Variants in ODAD2 observed in about 807,000 individuals in gnomAD.
ODAD2 encodes outer dynein arm-docking complex subunit 2.
In ODAD2, 89 loss-of-function variants were observed where a neutral mutation model predicts 106.8. The observed-to-expected ratio is 0.83, with a 90% CI of 0.70 to 0.99. The LOEUF (loss-of-function observed/expected upper bound fraction) is 0.99, where lower values mean the gene tolerates loss of function less well. Ranked by LOEUF, ODAD2 falls within the 50% of genes least tolerant of loss-of-function variation. ODAD2 has a pLI of 0.00. For synonymous variants in ODAD2, 404 were observed against 436.2 expected, an observed-to-expected ratio of 0.93 and a Z score of 0.92; for missense variants, 1,168 against 1,238.5, an observed-to-expected ratio of 0.94 and a Z score of 0.85.
chr10:27,936,800 AGT>A lies in ODAD2; in HGVS notation c.2176_2177del (p.Thr726Ter). On this transcript the variant is annotated frameshift_variant, in exon 15 of 20. Coordinates refer to ENST00000305242, the MANE Select transcript of ODAD2 (RefSeq NM_018076.5). LOFTEE classifies it high-confidence loss of function. ...CAGCAGCTAACCGCTCTTTATTGTC[AGT>A]GTTATTGAGTAGACTGGCCAAGGGC... is the stretch of plus-strand genomic sequence containing the variant. ...LKPLASLLNN[T>X]DNKERLAAVT... 1.9e-6 allele frequency: 3 copies of A among 1,613,974 alleles called. No homozygotes were observed. Among genetic ancestry groups the A allele is most frequent in the Non-Finnish European group, 2.5e-6 (3 of 1,179,918 alleles).
chr10:27,954,151 C>G (rs1320494002), intron 10 of ODAD2, among the ~76,000 whole-genome samples: 1 of 152,166 alleles, frequency 6.6e-6, no homozygotes, highest in Non-Finnish European at 1.5e-5. Flanking sequence ...AATTCTTCAG[C>G]ATGCAGCCTC....
chr10:27,918,571 CA>C (rs928115743), intron 16 of ODAD2, among the ~76,000 whole-genome samples: 17 of 151,840 alleles, frequency 1.1e-4, no homozygotes, highest in South Asian at 4.2e-4. Context: ...AAAACATCTA[CA>C]AAAACCTACC....
intron 19 of ODAD2, among the ~76,000 whole-genome samples, chr10:27,830,336 T>C (rs924774026): frequency 6.6e-6 from 1 of 152,182 alleles, no homozygotes; most frequent in Non-Finnish European, 1.5e-5. Flanking sequence ...TTCTAACAAT[T>C]GCCCCAAACC....
chr10:27,944,220 A>C lies in ODAD2; in HGVS notation c.1743+2T>G, dbSNP rs1590095285. The stretch of plus-strand genomic sequence containing the variant: ...GACGATGACAACATCACGGCTACTC[A>C]CCAGTTTGGTGATACCCCCGTGCTG... On this transcript the variant is annotated splice_donor_variant, in intron 12 of 19. Coordinates refer to ENST00000305242, the MANE Select transcript of ODAD2 (RefSeq NM_018076.5). LOFTEE classifies it high-confidence loss of function. 2 of 1,610,298 alleles carry C rather than the reference A, an allele frequency of 1.2e-6. No individual in the cohort carries two copies. The highest frequency in any genetic ancestry group is 4.5e-5 in the East Asian group (2 of 44,688).
At chr10:27,996,931 T>A (rs1241927024) in intron 1 of ODAD2, among the ~76,000 whole-genome samples, 1 of 152,214 alleles carries the variant, frequency 6.6e-6, no homozygotes, top group Non-Finnish European at 1.5e-5. Context: ...TTTCTTACAA[T>A]TATTTTCTTT....
chr10:27,882,003 T>C (rs1380201204), intron 17 of ODAD2, among the ~76,000 whole-genome samples: 2 of 151,420 alleles, frequency 1.3e-5, no homozygotes, highest in African/African-American at 2.4e-5. Context: ...CTTTCTCTCC[T>C]GAAAGTACAA....
chr10:27,991,523 T>G (rs1850238168), intron 2 of ODAD2, among the ~76,000 whole-genome samples: 1 of 152,216 alleles, frequency 6.6e-6, no homozygotes, highest in Admixed American at 6.5e-5. Flanking sequence ...TATTGACTGT[T>G]GCCCACAGTG....
At chr10:27,879,915 G>A (rs1257271098) in intron 17 of ODAD2, among the ~76,000 whole-genome samples, 1 of 152,108 alleles carries the variant, frequency 6.6e-6, no homozygotes, top group African/African-American at 2.4e-5. Flanking sequence ...TAAATAGTTT[G>A]CAGAGGCCTA....
intron 19 of ODAD2, among the ~76,000 whole-genome samples, chr10:27,859,116 T>C (rs1237189567): frequency 6.6e-6 from 1 of 152,066 alleles, no homozygotes; most frequent in Non-Finnish European, 1.5e-5. Flanking sequence ...AAAGTATGCA[T>C]AATTTTAAAT....
chr10:27,911,860 C>T (rs1327572934), intron 16 of ODAD2, among the ~76,000 whole-genome samples: 1 of 152,148 alleles, frequency 6.6e-6, no homozygotes. Context: ...TATTTCCCAC[C>T]ACACTCCCAG....
chr10:27,882,186 AAAGAAAGAAAG>A (rs1310142276), intron 17 of ODAD2, among the ~76,000 whole-genome samples: 1 of 147,492 alleles, frequency 6.8e-6, no homozygotes, highest in African/African-American at 2.5e-5. Flanking sequence ...AGAAAGAAAG[AAAGAAAGAAAG>A]AAAGAAAGAA....
At chr10:27,962,500 T>A (rs953223067) in intron 9 of ODAD2, among the ~76,000 whole-genome samples, 1 of 152,144 alleles carries the variant, frequency 6.6e-6, no homozygotes, top group Non-Finnish European at 1.5e-5. Context: ...CATCCCTCCA[T>A]AATGCCTACA....
chr10:27,960,550 A>G lies in ODAD2; in HGVS notation c.1386+1018T>C, dbSNP rs1291504950. On this transcript the variant is annotated intron_variant, in intron 10 of 19. Transcript: ENST00000305242. ...TTTTTAGTAGAGACAGGGTTTCACC[A>G]TGTTGGCCAGGCTGGTCTTGAACTC... Among the ~76,000 whole-genome samples, 3 of 151,924 alleles carry G rather than the reference A, an allele frequency of 2.0e-5. No individual in the cohort carries two copies. The East Asian group carries it at 5.8e-4, about 29-fold the overall frequency.
chr10:27,990,054 C>A (rs1267663942), intron 2 of ODAD2, among the ~76,000 whole-genome samples: 1 of 152,102 alleles, frequency 6.6e-6, no homozygotes, highest in Non-Finnish European at 1.5e-5. Flanking sequence ...ACTTTTAAAC[C>A]AGAATCGTGG....
At chr10:27,843,245 C>T (rs1265051470) in intron 19 of ODAD2, among the ~76,000 whole-genome samples, 2 of 152,090 alleles carry the variant, frequency 1.3e-5, no homozygotes, top group Non-Finnish European at 2.9e-5. Flanking sequence ...ATAAAAACAG[C>T]CTATCTGCAA....
Position 27,885,563 on chromosome 10 carries a change from AATAT to A in ODAD2, c.2610+22096_2610+22099del, listed in dbSNP as rs1278959871. On this transcript the variant is annotated intron_variant, in intron 17 of 19. Coordinates refer to ENST00000305242, the MANE Select transcript of ODAD2 (RefSeq NM_018076.5). ...ATATATATATAAATATATAAATATA[AATAT>A]ATATATATATAAATATATAAATATA... Among the ~76,000 whole-genome samples, 9 of 17,514 alleles carry A rather than the reference AATAT, an allele frequency of 5.1e-4. 2 individuals carry two copies. Among genetic ancestry groups the A allele is most frequent in the Admixed American group, 1.3e-3 (1 of 764 alleles). The allele number at this position is 17,514 out of a possible 152,430, so 11.5% of individuals were successfully genotyped here.
intron 7 of ODAD2, among the ~76,000 whole-genome samples, chr10:27,973,589 T>C (rs376689440): frequency 1.3e-5 from 2 of 152,052 alleles, no homozygotes; most frequent in Non-Finnish European, 1.5e-5. Flanking sequence ...GGGGGTAATA[T>C]GTTTTCTTCT....
At chr10:27,934,307 T>C (rs1473825208) in intron 16 of ODAD2, among the ~76,000 whole-genome samples, 2 of 151,962 alleles carry the variant, frequency 1.3e-5, no homozygotes, top group African/African-American at 2.4e-5. Context: ...GTTCTGTTTC[T>C]CTGGAAAGCC....
At chr10:27,861,679 G>A (rs1840052907) in intron 18 of ODAD2, among the ~76,000 whole-genome samples, 1 of 152,148 alleles carries the variant, frequency 6.6e-6, no homozygotes, top group Non-Finnish European at 1.5e-5. Context: ...TTTCCTTTCT[G>A]TATTTTTTGA....
Sources: allele counts gnomAD v4.1 joint callset (sites outside exome capture counted in the v4.1 genomes callset), GRCh38; gene constraint gnomAD v4.1.1; transcripts MANE v1.5; gene names NCBI Gene and HGNC (gene_info 2026-07-23, HGNC 2026-07-21).